Variants in SLC7A11 observed in about 807,000 individuals in gnomAD.
SLC7A11 encodes the protein cystine/glutamate transporter.
Under a neutral mutation model 54.5 loss-of-function variants are expected in SLC7A11, and 35 were observed. That is an observed-to-expected ratio of 0.64 (90% confidence interval 0.49 to 0.85). SLC7A11 has a LOEUF of 0.85. Ranked by LOEUF, SLC7A11 falls within the 40% of genes least tolerant of loss-of-function variation. The pLI is 0.00. For synonymous variants in SLC7A11, 230 were observed against 225.2 expected (o/e 1.02, Z -0.19); for missense variants, 583 against 618.1 (o/e 0.94, Z 0.60).
Position 138,172,183 on chromosome 4 carries a change from AATTT to A in SLC7A11, c.1445-170_1445-167del, listed in dbSNP as rs1182202068. Among the ~76,000 whole-genome samples, 5 of 152,220 alleles carry A rather than the reference AATTT, an allele frequency of 3.3e-5. No homozygotes were observed. In the South Asian group the frequency reaches 8.3e-4, roughly 25 times the overall value. ...CATTAGAATTCTATCATGCTCAATT[AATTT>A]ATTTGTCACTTCTGTAACTTCCCAT... On this transcript the variant is annotated intron_variant, in intron 11 of 11. Coordinates refer to ENST00000280612, the MANE Select transcript of SLC7A11 (RefSeq NM_014331.4).
chr4:138,179,149 G>T, intron 11 of SLC7A11, 68 bp downstream of exon 11: 1 of 1,022,936 alleles, frequency 9.8e-7, no homozygotes, highest in Non-Finnish European at 1.5e-6. Context: ...AGTATATTAT[G>T]TATGCACACC....
At chr4:138,232,181 C>G (rs1295201067) in intron 3 of SLC7A11, 86 bp downstream of exon 3, 2 of 911,382 alleles carry the variant, frequency 2.2e-6, no homozygotes, top group Non-Finnish European at 3.7e-6. Context: ...GAGGCAATCC[C>G]GCAATGCAAA....
chr4:138,212,548 C>A (rs1273051286), intron 6 of SLC7A11, among the ~76,000 whole-genome samples: 1 of 150,668 alleles, frequency 6.6e-6, no homozygotes, highest in African/African-American at 2.4e-5. Context: ...CATCACTGTT[C>A]CTTAGTATCT....
chr4:138,168,238 G>T lies in SLC7A11; in HGVS notation c.*3718C>A, dbSNP rs1736317330. 6.6e-6 allele frequency: 1 copy of T among 152,250 alleles called. No homozygotes were observed. The highest frequency in any genetic ancestry group is 2.1e-4 in the South Asian group (1 of 4,822). The allele number at this position is 152,250 out of a possible 1,614,324, so 9.4% of individuals were successfully genotyped here. The stretch of plus-strand genomic sequence containing the variant: ...ACATGTCTAAGTGAGAGGCACTGAA[G>T]CTTAGGTTTCATTAGCTTCCTGCGA... On this transcript the variant is annotated 3_prime_UTR_variant, in exon 12 of 12. Coordinates refer to ENST00000280612, the MANE Select transcript of SLC7A11 (RefSeq NM_014331.4).
intron 6 of SLC7A11, among the ~76,000 whole-genome samples, chr4:138,207,946 T>C (rs5028340): frequency 0.41 from 62,018 of 151,912 alleles, 13,574 homozygotes; most frequent in Middle Eastern, 0.6. Context: ...AATAAGGAAT[T>C]AATACAGATA....
At chr4:138,237,667 G>A (rs1276625671) in intron 1 of SLC7A11, among the ~76,000 whole-genome samples, 1 of 122,010 alleles carries the variant, frequency 8.2e-6, no homozygotes, top group Non-Finnish European at 1.6e-5. Context: ...CAAAGTGCTG[G>A]GATTACAAGT....
In SLC7A11 at chr4:138,169,650, A is replaced by G. The variant is rs13144383; in HGVS notation, c.*2306T>C. ...TACACAAACCTCTCTATGAGAATTT[A>G]CCAGTCTTCTTTCATTTGGCAAGAA... On this transcript the variant is annotated 3_prime_UTR_variant, in exon 12 of 12. Transcript: ENST00000280612. The G allele has an allele frequency of 0.16, 24,413 of 152,010 alleles. 2,845 individuals carry two copies. Among genetic ancestry groups the G allele is most frequent in the East Asian group, 0.53 (2,741 of 5,152 alleles). 9.4% of individuals were successfully genotyped at this position (152,010 alleles called of 1,614,324 possible).
chr4:138,208,175 G>T (rs1737455685), intron 6 of SLC7A11, among the ~76,000 whole-genome samples: 1 of 152,126 alleles, frequency 6.6e-6, no homozygotes, highest in Non-Finnish European at 1.5e-5. Context: ...AATTAAACAT[G>T]ACACTCTGAT....
intron 10 of SLC7A11, 38 bp downstream of exon 10, chr4:138,180,603 A>T: frequency 1.9e-6 from 3 of 1,601,714 alleles, no homozygotes; most frequent in Non-Finnish European, 2.6e-6. Flanking sequence ...GTATTAGGAG[A>T]GAGATTTATG....
intron 2 of SLC7A11, among the ~76,000 whole-genome samples, chr4:138,233,519 T>C (rs2148454174): frequency 6.6e-6 from 1 of 152,242 alleles, no homozygotes; most frequent in Admixed American, 6.5e-5. Flanking sequence ...ACTTCCTTTT[T>C]AGCTTCTCTT....
At chr4:138,206,212 C>A (rs1000039819) in intron 6 of SLC7A11, among the ~76,000 whole-genome samples, 18 of 151,554 alleles carry the variant, frequency 1.2e-4, no homozygotes, top group South Asian at 4.2e-4. Flanking sequence ...CTCATCACAC[C>A]ACTTGTATTC....
intron 1 of SLC7A11, 78 bp downstream of exon 1, chr4:138,241,715 A>T: frequency 1.6e-6 from 2 of 1,227,340 alleles, no homozygotes; most frequent in Non-Finnish European, 2.4e-6. Flanking sequence ...ACTCCTCAAA[A>T]ACTACCATTT....
chr4:138,228,341 T>C (rs974953569), intron 3 of SLC7A11, among the ~76,000 whole-genome samples: 2 of 152,144 alleles, frequency 1.3e-5, no homozygotes, highest in African/African-American at 4.8e-5. Flanking sequence ...TTCAAGTGTA[T>C]AATTATATAG....
In SLC7A11 at chr4:138,168,879, T is replaced by A. The variant is rs1353850938; in HGVS notation, c.*3077A>T. 1 of 152,196 alleles carries A rather than the reference T, an allele frequency of 6.6e-6. No individual in the cohort carries two copies. Among genetic ancestry groups the A allele is most frequent in the Non-Finnish European group, 1.5e-5 (1 of 68,030 alleles). The allele number at this position is 152,196 out of a possible 1,614,324, so 9.4% of individuals were successfully genotyped here. On this transcript the variant is annotated 3_prime_UTR_variant, in exon 12 of 12. Coordinates refer to ENST00000280612, the MANE Select transcript of SLC7A11 (RefSeq NM_014331.4). ...TTCATTGGATCAAAGGAATATAATC[T>A]AATACTTTTTAAATGGGGTCAAAAC...
At chr4:138,175,054 T>G (rs1224606125) in intron 11 of SLC7A11, among the ~76,000 whole-genome samples, 7 of 152,214 alleles carry the variant, frequency 4.6e-5, no homozygotes, top group African/African-American at 1.7e-4. Flanking sequence ...CTCATTTTAT[T>G]CTTACAATGA....
At chr4:138,195,926 G>C (rs1352211397) in intron 6 of SLC7A11, among the ~76,000 whole-genome samples, 1 of 151,950 alleles carries the variant, frequency 6.6e-6, no homozygotes, top group Non-Finnish European at 1.5e-5. Context: ...AGGGTTTCTG[G>C]CTTCTTTGGC....
At chr4:138,201,415 T>C (rs902415540) in intron 6 of SLC7A11, among the ~76,000 whole-genome samples, 3 of 152,084 alleles carry the variant, frequency 2.0e-5, no homozygotes, top group African/African-American at 4.8e-5. Context: ...AAAGATAATA[T>C]GGTACAGCAC....
chr4:138,175,926 G>A (rs1230628306), intron 11 of SLC7A11: 1 of 152,080 alleles, frequency 6.6e-6, no homozygotes. Flanking sequence ...ATAATATAAA[G>A]GTTTTGGAAT....
intron 6 of SLC7A11, among the ~76,000 whole-genome samples, chr4:138,204,190 T>A (rs1578651041): frequency 1.3e-5 from 2 of 152,134 alleles, no homozygotes; most frequent in East Asian, 3.9e-4. Context: ...TTAGAAAGAG[T>A]ATGAGCTCTA....
Sources: allele counts gnomAD v4.1 joint callset (sites outside exome capture counted in the v4.1 genomes callset), GRCh38; gene constraint gnomAD v4.1.1; transcripts MANE v1.5; gene names NCBI Gene and HGNC (gene_info 2026-07-23, HGNC 2026-07-21).